SGCZ: variants seen among roughly 807,000 people sequenced by gnomAD.
SGCZ encodes sarcoglycan zeta.
In SGCZ, 40 loss-of-function variants were observed where a neutral mutation model predicts 41.3. That is an observed-to-expected ratio of 0.97 (90% CI 0.75 to 1.26). The LOEUF (loss-of-function observed/expected upper bound fraction) is 1.26, where lower values mean the gene tolerates loss of function less well. Among genes scored for constraint, SGCZ ranks in the 50% most tolerant of loss-of-function variants. The probability of loss-of-function intolerance (pLI) is 0.00; values close to 1 mark genes in which losing one functional copy is unlikely to be tolerated. For synonymous variants in SGCZ, 206 were observed against 137.5 expected (o/e 1.50, Z -3.49); for missense variants, 552 against 369.8 (o/e 1.49, Z -4.04).
chr8:14,513,855 G>C (rs896056955), intron 2 of SGCZ, among the ~76,000 whole-genome samples: 9 of 151,924 alleles, frequency 5.9e-5, no homozygotes, highest in Non-Finnish European at 1.2e-4. Flanking sequence ...AAAGACATTT[G>C]TAACTACTCT....
At chr8:14,672,110 G>T (rs979245626) in intron 1 of SGCZ, among the ~76,000 whole-genome samples, 1 of 151,960 alleles carries the variant, frequency 6.6e-6, no homozygotes, top group East Asian at 1.9e-4. Flanking sequence ...TAAATAATGC[G>T]GGAATTTAAA....
intron 4 of SGCZ, among the ~76,000 whole-genome samples, chr8:14,194,617 G>T (rs1461620446): frequency 6.6e-6 from 1 of 151,808 alleles, no homozygotes; most frequent in Non-Finnish European, 1.5e-5. Context: ...TTCTGCTTCT[G>T]GCCAATATAG....
intron 1 of SGCZ, among the ~76,000 whole-genome samples, chr8:14,570,893 TAAGA>T (rs771524547): frequency 3.4e-4 from 52 of 152,300 alleles, no homozygotes; most frequent in Non-Finnish European, 6.5e-4. Flanking sequence ...CTAGAAGCGA[TAAGA>T]AAGAATTTAA....
Position 14,490,992 on chromosome 8 carries a change from A to G in SGCZ, c.234+63740T>C, listed in dbSNP as rs75759480. 6.6e-3 allele frequency among the ~76,000 whole-genome samples: 1,005 copies of G among 152,280 alleles called. 23 individuals carry two copies. In the East Asian group the frequency reaches 0.074, roughly 11 times the overall value. Reference sequence around the variant, plus strand: ...TCATCAAAAATTAAAAACCTTGAAAATTATTCCTGTCTCATTCTACTAATC... The same window carrying G: ...TCATCAAAAATTAAAAACCTTGAAAGTTATTCCTGTCTCATTCTACTAATC... On this transcript the variant is annotated intron_variant, in intron 2 of 7. Transcript: ENST00000382080.
At chr8:14,568,182 A>G (rs1328683428) in intron 1 of SGCZ, among the ~76,000 whole-genome samples, 1 of 151,996 alleles carries the variant, frequency 6.6e-6, no homozygotes, top group African/African-American at 2.4e-5. Context: ...GGATTCAACA[A>G]TGAAAGCACA....
chr8:15,097,363 A>G (rs1056718403), intron 1 of SGCZ, among the ~76,000 whole-genome samples: 6 of 152,108 alleles, frequency 3.9e-5, no homozygotes, highest in African/African-American at 1.4e-4. Flanking sequence ...CATAAAAACA[A>G]CCTTCTAATG....
chr8:15,157,867 T>C (rs1231154394), intron 1 of SGCZ, among the ~76,000 whole-genome samples: 2 of 152,210 alleles, frequency 1.3e-5, no homozygotes, highest in African/African-American at 4.8e-5. Flanking sequence ...AAAATACCCA[T>C]TTGGCCTACA....
At chr8:14,247,037 C>T (rs1220629678) in intron 3 of SGCZ, among the ~76,000 whole-genome samples, 4 of 151,534 alleles carry the variant, frequency 2.6e-5, no homozygotes, top group African/African-American at 9.7e-5. Flanking sequence ...ATAAACTTAT[C>T]TAGAGCTGTT....
rs188688661 is a variant in SGCZ at position 15,026,291 on chromosome 8, G to C, written c.39+211294C>G. ...CCTGAAAGAAATACCTAGGATGATA[G>C]AAGGAACATAATTTCTGAATGTCCT... On this transcript the variant is annotated intron_variant, in intron 1 of 7. Transcript: ENST00000382080. Among the ~76,000 whole-genome samples the C allele has an allele frequency of 1.2e-3, 189 of 152,268 alleles. 5 individuals carry two copies. Among genetic ancestry groups the C allele is most frequent in the Non-Finnish European group, 5.6e-4 (38 of 68,010 alleles).
At chr8:14,309,771 T>G in intron 3 of SGCZ, 4 of 1,514,478 alleles carry the variant, frequency 2.6e-6, no homozygotes, top group Non-Finnish European at 3.6e-6. Flanking sequence ...GTGGACTGCA[T>G]TTAAATTTCA....
At chr8:14,824,235 A>C (rs1802212409) in intron 1 of SGCZ, among the ~76,000 whole-genome samples, 1 of 152,084 alleles carries the variant, frequency 6.6e-6, no homozygotes, top group African/African-American at 2.4e-5. Context: ...GAAATTACCA[A>C]GAGGGGCTCC....
At chr8:14,673,169 T>A (rs910208286) in intron 1 of SGCZ, among the ~76,000 whole-genome samples, 2 of 152,226 alleles carry the variant, frequency 1.3e-5, no homozygotes, top group African/African-American at 4.8e-5. Context: ...GTTTACCCTG[T>A]ATTGTAACCA....
At chr8:15,116,103 G>A (rs1807258164) in intron 1 of SGCZ, among the ~76,000 whole-genome samples, 1 of 152,154 alleles carries the variant, frequency 6.6e-6, no homozygotes, top group Non-Finnish European at 1.5e-5. Context: ...AAAAACTGGT[G>A]TGGTCAGATT....
At chr8:14,139,663 C>CT (rs1803307099) in intron 5 of SGCZ, among the ~76,000 whole-genome samples, 1 of 152,068 alleles carries the variant, frequency 6.6e-6, no homozygotes, top group Non-Finnish European at 1.5e-5. Context: ...CCTGAATAGA[C>CT]TAAAAACAGC....
At chr8:15,185,707 C>T (rs1800312058) in intron 1 of SGCZ, among the ~76,000 whole-genome samples, 1 of 152,080 alleles carries the variant, frequency 6.6e-6, no homozygotes, top group South Asian at 2.1e-4. Flanking sequence ...CTGAAGACTA[C>T]ATGAAGGCAT....
chr8:14,984,023 G>T (rs945221252), intron 1 of SGCZ, among the ~76,000 whole-genome samples: 20 of 152,166 alleles, frequency 1.3e-4, no homozygotes, highest in Non-Finnish European at 2.6e-4. Context: ...AAAGTGGAGT[G>T]AAATTGGAAT....
intron 4 of SGCZ, among the ~76,000 whole-genome samples, chr8:14,174,265 A>G (rs1328547334): frequency 1.3e-5 from 2 of 152,174 alleles, no homozygotes; most frequent in African/African-American, 4.8e-5. Flanking sequence ...GATATTGCAT[A>G]ACGATAGAAA....
At chr8:14,428,870 C>T (rs1007797884) in intron 2 of SGCZ, among the ~76,000 whole-genome samples, 15 of 152,190 alleles carry the variant, frequency 9.9e-5, no homozygotes, top group Admixed American at 9.8e-4. Flanking sequence ...ACATGTTCAT[C>T]TAAAATGTTT....
At chr8:14,610,858 A>G (rs1805905199) in intron 1 of SGCZ, among the ~76,000 whole-genome samples, 1 of 152,206 alleles carries the variant, frequency 6.6e-6, no homozygotes, top group African/African-American at 2.4e-5. Context: ...AATGGAATGG[A>G]AGATACGGAA....
Sources: gnomAD v4.1 joint callset for allele counts (sites outside exome capture counted in the v4.1 genomes callset) on GRCh38, gnomAD v4.1.1 for gene constraint, MANE v1.5 for transcripts, NCBI Gene and HGNC (gene_info 2026-07-23, HGNC 2026-07-21) for gene names.